Variants in SLC16A2 observed in about 807,000 individuals in gnomAD.
SLC16A2 encodes the protein solute carrier family 16 member 2.
SLC16A2 carries 3 observed loss-of-function variants against 27.2 expected under a neutral mutation model. The observed-to-expected ratio is 0.11, with a 90% CI of 0.05 to 0.28. The LOEUF is 0.28. Among genes scored for constraint, SLC16A2 ranks in the 10% least tolerant of loss-of-function variants. The pLI is 1.00. For missense variants in SLC16A2, 295 were observed against 458.5 expected (o/e 0.64, Z 3.26); for synonymous variants, 202 against 187.8 (o/e 1.08, Z -0.62).
intron 1 of SLC16A2, among the ~76,000 whole-genome samples, chrX:74,433,340 C>A (rs1194441188): frequency 9.2e-6 from 1 of 108,217 alleles, no homozygotes; most frequent in Non-Finnish European, 1.9e-5. Context: ...CCACTGCACT[C>A]CAGCCTTGGC....
At chrX:74,496,370 C>T (rs891457841) in intron 1 of SLC16A2, among the ~76,000 whole-genome samples, 2 of 111,280 alleles carry the variant, frequency 1.8e-5, no homozygotes, top group African/African-American at 6.5e-5. Flanking sequence ...ACCATCCCAC[C>T]CAGGGGCCAC....
chrX:74,524,707 G>A lies in SLC16A2; in HGVS notation c.924G>A (p.Arg308=). The A allele has an allele frequency of 6.6e-6, 8 of 1,211,850 alleles. No individual in the cohort carries two copies. Among genetic ancestry groups the A allele is most frequent in the Non-Finnish European group, 8.9e-6 (8 of 895,547 alleles). The stretch of plus-strand genomic sequence containing the variant: ...ACCAGCGCTTTCTGGCTCAGCTCAG[G>A]AAGTACTTCAACATGCGAGTGTTCC... ...TLHQRFLAQL[R]KYFNMRVFRQ... The change falls in exon 3 of 6, where the codon AGG becomes AGA. Residue 308 remains arginine (R), a synonymous_variant. Coordinates refer to ENST00000587091, the MANE Select transcript of SLC16A2 (RefSeq NM_006517.5).
At chrX:74,488,759 C>A (rs965364793) in intron 1 of SLC16A2, among the ~76,000 whole-genome samples, 1 of 111,560 alleles carries the variant, frequency 9.0e-6, no homozygotes, top group Non-Finnish European at 1.9e-5. Flanking sequence ...ACACAAGATT[C>A]TTTCTTATAT....
chrX:74,514,611 G>A (rs1401144657), intron 1 of SLC16A2, among the ~76,000 whole-genome samples: 1 of 111,538 alleles, frequency 9.0e-6, no homozygotes, highest in Non-Finnish European at 1.9e-5. Flanking sequence ...TCTTGCCCGG[G>A]TATAACCTCC....
At chrX:74,446,340 C>T (rs187517151) in intron 1 of SLC16A2, among the ~76,000 whole-genome samples, 2 of 111,809 alleles carry the variant, frequency 1.8e-5, no homozygotes, top group East Asian at 5.6e-4. Context: ...AGTCAATTCT[C>T]TGCTTTAAGG....
intron 1 of SLC16A2, among the ~76,000 whole-genome samples, chrX:74,495,306 C>T (rs752015231): frequency 1.8e-5 from 2 of 110,933 alleles, no homozygotes; most frequent in Admixed American, 1.9e-4. Context: ...TGACAGTGTC[C>T]CTCTTGTCCT....
chrX:74,429,016 A>G (rs1274428156), intron 1 of SLC16A2, among the ~76,000 whole-genome samples: 1 of 110,670 alleles, frequency 9.0e-6, no homozygotes, highest in Non-Finnish European at 1.9e-5. Flanking sequence ...CTGCTGCACA[A>G]TTGGTTGTAG....
At chrX:74,481,819 AT>A (rs1167554399) in intron 1 of SLC16A2, among the ~76,000 whole-genome samples, 2 of 107,739 alleles carry the variant, frequency 1.9e-5, no homozygotes, top group Non-Finnish European at 3.8e-5. Flanking sequence ...ATGTTTTTAA[AT>A]TTTTTTATTG....
intron 1 of SLC16A2, among the ~76,000 whole-genome samples, chrX:74,450,523 C>T (rs1928918811): frequency 9.0e-6 from 1 of 111,522 alleles, no homozygotes; most frequent in Non-Finnish European, 1.9e-5. Flanking sequence ...CGCCACCACC[C>T]CTGCTCTGCC....
At chrX:74,523,896 T>G (rs1436981960) in intron 2 of SLC16A2, among the ~76,000 whole-genome samples, 1 of 111,762 alleles carries the variant, frequency 8.9e-6, no homozygotes, top group Non-Finnish European at 1.9e-5. Flanking sequence ...ATGGAAGGTT[T>G]CAATCTTCCA....
chrX:74,457,860 C>T (rs1277236869), intron 1 of SLC16A2, among the ~76,000 whole-genome samples: 1 of 111,337 alleles, frequency 9.0e-6, no homozygotes, highest in Non-Finnish European at 1.9e-5. Context: ...CACTGGGCAC[C>T]GGGACCCCTA....
Position 74,444,919 on chromosome X carries a change from A to G in SLC16A2, c.430+22852A>G, listed in dbSNP as rs1318664787. Among the ~76,000 whole-genome samples the G allele has an allele frequency of 2.7e-5, 3 of 112,089 alleles. No homozygotes were observed. In the Admixed American group the frequency reaches 2.8e-4, roughly 11 times the overall value. On this transcript the variant is annotated intron_variant, in intron 1 of 5. Coordinates refer to ENST00000587091, the MANE Select transcript of SLC16A2 (RefSeq NM_006517.5). ...CTATGTCCATGACAGGGAATCACACAGGATTCTCACAGGGTCCTCTTTCCT... is the reference window on the plus strand; with the variant it reads ...CTATGTCCATGACAGGGAATCACACGGGATTCTCACAGGGTCCTCTTTCCT...
intron 1 of SLC16A2, among the ~76,000 whole-genome samples, chrX:74,428,741 C>CT (rs1204631740): frequency 8.9e-6 from 1 of 111,909 alleles, no homozygotes; most frequent in East Asian, 2.8e-4. Flanking sequence ...AAGATAGCTG[C>CT]TATGACACCC....
At chrX:74,468,831 A>G (rs1335279026) in intron 1 of SLC16A2, among the ~76,000 whole-genome samples, 2 of 111,978 alleles carry the variant, frequency 1.8e-5, no homozygotes, top group African/African-American at 6.5e-5. Flanking sequence ...TGTTAAGAAC[A>G]TTCTATTTCC....
chrX:74,492,815 C>A (rs187010939), intron 1 of SLC16A2, among the ~76,000 whole-genome samples: 1 of 111,267 alleles, frequency 9.0e-6, no homozygotes, highest in Non-Finnish European at 1.9e-5. Context: ...TTCTTTCCCT[C>A]CCCCTTTTAG....
chrX:74,457,295 T>G (rs1929056413), intron 1 of SLC16A2, among the ~76,000 whole-genome samples: 1 of 111,412 alleles, frequency 9.0e-6, no homozygotes, highest in African/African-American at 3.3e-5. Context: ...GCTCTCTAGG[T>G]GATTCTAATG....
At chrX:74,430,264 C>A (rs749414036) in intron 1 of SLC16A2, among the ~76,000 whole-genome samples, 24 of 111,866 alleles carry the variant, frequency 2.1e-4, no homozygotes, top group African/African-American at 7.1e-4. Context: ...AAACTCATAG[C>A]AGATAATGGC....
chrX:74,486,743 C>G (rs1387372069), intron 1 of SLC16A2, among the ~76,000 whole-genome samples: 1 of 111,930 alleles, frequency 8.9e-6, no homozygotes, highest in African/African-American at 3.3e-5. Flanking sequence ...GGGTATATAC[C>G]CAAAAGATTA....
chrX:74,526,629 C>A (rs186864525), intron 4 of SLC16A2, among the ~76,000 whole-genome samples: 51 of 112,294 alleles, frequency 4.5e-4, no homozygotes, highest in African/African-American at 1.4e-3. Flanking sequence ...TCCAATCCAA[C>A]CTCATTACAG....
Sources: allele counts gnomAD v4.1 joint callset (sites outside exome capture counted in the v4.1 genomes callset), GRCh38; gene constraint gnomAD v4.1.1; transcripts MANE v1.5; gene names NCBI Gene and HGNC (gene_info 2026-07-23, HGNC 2026-07-21).